Variants in IP6K2 observed in about 807,000 individuals in gnomAD.
IP6K2 encodes the protein inositol hexakisphosphate kinase 2, also known as ATP:1D-myo-inositol-hexakisphosphate phosphotransferase.
A neutral mutation model predicts 43.3 loss-of-function variants in IP6K2; 9 were observed. That is an observed-to-expected ratio of 0.21 (90% CI 0.13 to 0.36). The LOEUF is 0.36. Among genes scored for constraint, IP6K2 ranks in the 10% least tolerant of loss-of-function variants. The pLI is 1.00. For missense variants in IP6K2, 332 were observed against 538.4 expected, an observed-to-expected ratio of 0.62 and a Z score of 3.79; for synonymous variants, 209 against 202.4, an observed-to-expected ratio of 1.03 and a Z score of -0.28.
rs2078236742 is a variant in IP6K2 at position 48,695,526 on chromosome 3, GA to G, written c.-130-106del. 1 of 1,281,322 alleles carries G rather than the reference GA, an allele frequency of 7.8e-7. No homozygotes were observed. Among genetic ancestry groups the G allele is most frequent in the South Asian group, 3.1e-5 (1 of 32,346 alleles). The allele number at this position is 1,281,322 out of a possible 1,614,324, so 79.4% of individuals were successfully genotyped here. On this transcript the variant is annotated intron_variant, in intron 1 of 5. Transcript: ENST00000328631. The surrounding 1 kb of genome is among the most constrained non-coding windows in gnomAD (Gnocchi z 4.6). ...GCAGAAAGACAAAGACAAACAGTCTGAGTTCTTGCGGGACTCCGCCCATGCC... is the reference window on the plus strand; with the variant it reads ...GCAGAAAGACAAAGACAAACAGTCTGGTTCTTGCGGGACTCCGCCCATGCC...
In IP6K2 at chr3:48,714,827, GAC is replaced by G. The variant is rs1168742986; in HGVS notation, c.-131+2328_-131+2329del. ...CGCACCACTGCACTTCAGCCTGGGC[GAC>G]AGAGAGAGACTCCGTCTCAAAAAAA... On this transcript the variant is annotated intron_variant, in intron 1 of 5. Transcript: ENST00000328631. Among the ~76,000 whole-genome samples, 6 of 112,764 alleles carry G rather than the reference GAC, an allele frequency of 5.3e-5. No individual in the cohort carries two copies. The South Asian group carries it at 1.7e-3, about 33-fold the overall frequency. The allele number at this position is 112,764 out of a possible 152,430, so 74.0% of individuals were successfully genotyped here.
intron 2 of IP6K2, chr3:48,693,982 GCGCCT>G: frequency 7.2e-7 from 1 of 1,381,736 alleles, no homozygotes; most frequent in South Asian, 1.8e-5. Flanking sequence ...GTGCCGACGA[GCGCCT>G]TACAAACGAC....
intron 1 of IP6K2, among the ~76,000 whole-genome samples, chr3:48,700,636 T>C (rs1490310840): frequency 1.3e-5 from 2 of 152,164 alleles, no homozygotes; most frequent in Admixed American, 6.5e-5. Flanking sequence ...TAAGGATCTG[T>C]TGGAAACAAT....
intron 5 of IP6K2, 141 bp downstream of exon 5, chr3:48,689,397 C>T: frequency 1.2e-6 from 1 of 817,880 alleles, no homozygotes; most frequent in Non-Finnish European, 1.9e-6. Flanking sequence ...AGGTGATCCA[C>T]CCACCTTGAC....
At chr3:48,697,429 G>A (rs959508568) in intron 1 of IP6K2, among the ~76,000 whole-genome samples, 8 of 142,492 alleles carry the variant, frequency 5.6e-5, no homozygotes, top group African/African-American at 1.0e-4. Context: ...AGTCTCATGC[G>A]ATTCTCCTGC....
intron 3 of IP6K2, 46 bp downstream of exon 3, chr3:48,692,908 A>G: frequency 7.0e-7 from 1 of 1,422,640 alleles, no homozygotes; most frequent in Non-Finnish European, 9.8e-7. Flanking sequence ...AACCCCCAAC[A>G]CTTCCCCTCC....
At chr3:48,713,115 TGTTA>T (rs994072559) in intron 1 of IP6K2, among the ~76,000 whole-genome samples, 5 of 152,224 alleles carry the variant, frequency 3.3e-5, no homozygotes, top group Non-Finnish European at 5.9e-5. Context: ...CCATATCCAA[TGTTA>T]GTTTCATACT....
At chr3:48,693,994 C>A in intron 2 of IP6K2, 2 of 1,367,884 alleles carry the variant, frequency 1.5e-6, no homozygotes, top group South Asian at 1.9e-5. Context: ...GCCTTACAAA[C>A]GACTGGCTGA....
rs1262801046 is a variant in IP6K2 at position 48,689,535 on chromosome 3, C to T, written c.780+3G>A. On this transcript the variant is annotated splice_donor_region_variant and intron_variant, in intron 5 of 5. Coordinates refer to ENST00000328631, the MANE Select transcript of IP6K2 (RefSeq NM_016291.4). ...CCCTAGCCAGCCCTAGCATCCCCCT[C>T]ACCTGCATGCCACACACACGCACAC... 3.7e-6 allele frequency: 6 copies of T among 1,610,140 alleles called. No homozygotes were observed. In the East Asian group the frequency reaches 1.3e-4, roughly 36 times the overall value.
chr3:48,694,165 T>C (rs1349298386), intron 2 of IP6K2: 1 of 1,548,524 alleles, frequency 6.5e-7, no homozygotes. Flanking sequence ...CACACTTCCC[T>C]GTGGCCACAG....
chr3:48,688,822 C>T lies in IP6K2; in HGVS notation c.781-49G>A. 2 of 1,553,566 alleles carry T rather than the reference C, an allele frequency of 1.3e-6. No homozygotes were observed. The highest frequency in any genetic ancestry group is 2.3e-5 in the East Asian group (1 of 44,370). Reference sequence around the variant, plus strand: ...CAGGGGCTGAGGGCCATCTCAAACCCTGGACCCCGGGCGGGGGTGGGGTGG... The same window carrying T: ...CAGGGGCTGAGGGCCATCTCAAACCTTGGACCCCGGGCGGGGGTGGGGTGG... On this transcript the variant is annotated intron_variant, in intron 5 of 5. Transcript: ENST00000328631. The surrounding 1 kb of genome is among the most constrained non-coding windows in gnomAD (Gnocchi z 5.1).
In IP6K2 at chr3:48,695,824, TTATATATTATATATAA is replaced by T. The variant is rs1052002662; in HGVS notation, c.-130-419_-130-404del. 1.6e-3 allele frequency among the ~76,000 whole-genome samples: 235 copies of T among 147,780 alleles called. No homozygotes were observed. Among genetic ancestry groups the T allele is most frequent in the Non-Finnish European group, 2.7e-3 (183 of 67,126 alleles). Reference sequence around the variant, plus strand: ...ATGATGCCCAGGTCTCCCATTAATTTTATATATTATATATAATATATATTATATATATAAAATAAAT... The same window carrying T: ...ATGATGCCCAGGTCTCCCATTAATTTTATATATTATATATATAAAATAAAT... On this transcript the variant is annotated intron_variant, in intron 1 of 5. Transcript: ENST00000328631. The surrounding 1 kb of genome is among the most constrained non-coding windows in gnomAD (Gnocchi z 4.6).
intron 2 of IP6K2, chr3:48,694,204 A>G: frequency 6.4e-7 from 1 of 1,551,456 alleles, no homozygotes. Flanking sequence ...AAAATGGGGC[A>G]GGGATGGCCA....
chr3:48,694,178 G>C, intron 2 of IP6K2: 2 of 1,550,712 alleles, frequency 1.3e-6, no homozygotes, highest in Admixed American at 2.0e-5. Context: ...GGCCACAGGG[G>C]AAAGGACCAG....
intron 1 of IP6K2, among the ~76,000 whole-genome samples, chr3:48,697,823 T>C (rs6442129): frequency 0.81 from 122,397 of 151,944 alleles, 49,550 homozygotes; most frequent in East Asian, 1. Flanking sequence ...GGACTACAGG[T>C]GCATGCCACC....
Position 48,691,385 on chromosome 3 carries a change from A to G in IP6K2, c.526T>C (p.Tyr176His), listed in dbSNP as rs2077766341. The change falls in exon 4 of 6, where the codon TAT (tyrosine) becomes CAT (histidine). Residue 176 changes from tyrosine to histidine, a missense_variant. Physicochemically the swap from Tyr to His is moderately conservative, Grantham distance 83. Transcript: ENST00000328631. ...TGACATTTCATGCTCCAAGGGTTATAGTGTTTAAGCTGGGAACTTATATTC... is the reference window on the plus strand; with the variant it reads ...TGACATTTCATGCTCCAAGGGTTATGGTGTTTAAGCTGGGAACTTATATTC... Reference protein sequence around the residue: ...KGNISSQLKHYNPWSMKCHQQ... With the variant: ...KGNISSQLKHHNPWSMKCHQQ... The G allele has an allele frequency of 5.6e-6, 9 of 1,613,654 alleles. No homozygotes were observed. The East Asian group carries it at 2.0e-4, about 36-fold the overall frequency.
chr3:48,695,631 G>T lies in IP6K2; in HGVS notation c.-130-210C>A, dbSNP rs1342605892. 1 of 517,932 alleles carries T rather than the reference G, an allele frequency of 1.9e-6. No homozygotes were observed. The highest frequency in any genetic ancestry group is 3.0e-6 in the Non-Finnish European group (1 of 334,732). The allele number at this position is 517,932 out of a possible 1,614,324, so 32.1% of individuals were successfully genotyped here. ...ATGGGGCGGGGTTAGATGCAGACAG[G>T]CAGGGAATGGGTTCAGGGGCCCTAA... is the stretch of plus-strand genomic sequence containing the variant. On this transcript the variant is annotated intron_variant, in intron 1 of 5. Transcript: ENST00000328631. The surrounding 1 kb of genome is among the most constrained non-coding windows in gnomAD (Gnocchi z 4.6).
intron 1 of IP6K2, 62 bp downstream of exon 1, chr3:48,717,095 T>A (rs2081276302): frequency 6.5e-6 from 1 of 154,762 alleles, no homozygotes. Context: ...CGTTTCCCAG[T>A]AGCCTGAAAA....
intron 1 of IP6K2, among the ~76,000 whole-genome samples, chr3:48,701,438 G>A (rs1215660169): frequency 1.3e-5 from 2 of 151,648 alleles, no homozygotes; most frequent in Admixed American, 1.3e-4. Flanking sequence ...GTGGTGGCAG[G>A]CGCCTGTAAT....
Sources: allele counts gnomAD v4.1 joint callset (sites outside exome capture counted in the v4.1 genomes callset), GRCh38; gene constraint gnomAD v4.1.1; non-coding constraint Gnocchi (gnomAD v3.1); transcripts MANE v1.5; gene names NCBI Gene and HGNC (gene_info 2026-07-23, HGNC 2026-07-21).